Variants in FGGY observed in about 807,000 individuals in gnomAD.
FGGY encodes the protein FGGY carbohydrate kinase domain containing, also known as FGGY carbohydrate kinase domain-containing protein.
A neutral mutation model predicts 71.3 loss-of-function variants in FGGY; 72 were observed. That is an observed-to-expected ratio of 1.01 (90% CI 0.84 to 1.23). The LOEUF (loss-of-function observed/expected upper bound fraction) is 1.23, where lower values mean the gene tolerates loss of function less well. FGGY is among the 50% of genes most tolerant of loss of function. The pLI is 0.00. For synonymous variants in FGGY, 251 were observed against 250.3 expected, an observed-to-expected ratio of 1.00 and a Z score of -0.02; for missense variants, 668 against 682.3, an observed-to-expected ratio of 0.98 and a Z score of 0.23.
At chr1:59,304,956 T>G (rs1263385159) in intron 1 of FGGY, among the ~76,000 whole-genome samples, 1 of 152,172 alleles carries the variant, frequency 6.6e-6, no homozygotes, top group Non-Finnish European at 1.5e-5. Flanking sequence ...TCTAACAGTT[T>G]TTTGGAGTCT....
intron 5 of FGGY, among the ~76,000 whole-genome samples, chr1:59,403,012 T>C (rs1044389415): frequency 6.6e-6 from 1 of 152,090 alleles, no homozygotes; most frequent in Non-Finnish European, 1.5e-5. Flanking sequence ...AAGTCCAGAC[T>C]GTCACGTGTG....
At chr1:59,497,206 A>G (rs1233962888) in intron 6 of FGGY, among the ~76,000 whole-genome samples, 3 of 152,218 alleles carry the variant, frequency 2.0e-5, no homozygotes, top group Non-Finnish European at 2.9e-5. Flanking sequence ...CATCCTTGGA[A>G]AATAGATTTA....
At chr1:59,595,821 A>T (rs1019548056) in intron 8 of FGGY, among the ~76,000 whole-genome samples, 1 of 152,146 alleles carries the variant, frequency 6.6e-6, no homozygotes, top group Non-Finnish European at 1.5e-5. Context: ...TCTTCTAAAG[A>T]AGTCCAGATG....
At chr1:59,597,264 A>C (rs35123900) in intron 8 of FGGY, among the ~76,000 whole-genome samples, 15,097 of 152,216 alleles carry the variant, frequency 0.099, 891 homozygotes, top group South Asian at 0.3. Flanking sequence ...ATGCTTATGC[A>C]CAGAAATTCT....
chr1:59,452,155 T>A (rs2072897049), intron 5 of FGGY, among the ~76,000 whole-genome samples: 1 of 152,016 alleles, frequency 6.6e-6, no homozygotes, highest in Non-Finnish European at 1.5e-5. Context: ...ATTCTCATGT[T>A]AGGCTTCTGG....
At chr1:59,669,540 C>CTT (rs58004594) in intron 13 of FGGY, among the ~76,000 whole-genome samples, 287 of 102,516 alleles carry the variant, frequency 2.8e-3, no homozygotes, top group South Asian at 3.7e-3. Context: ...TTCTAGACTT[C>CTT]TTTTTTTTTT....
chr1:59,475,451 T>A (rs1169179916), intron 6 of FGGY, among the ~76,000 whole-genome samples: 1 of 152,260 alleles, frequency 6.6e-6, no homozygotes, highest in Non-Finnish European at 1.5e-5. Context: ...CTTTACAACT[T>A]AGAAGAGTTT....
At chr1:59,760,120 A>G (rs1376217644) in intron 15 of FGGY, among the ~76,000 whole-genome samples, 1 of 152,220 alleles carries the variant, frequency 6.6e-6, no homozygotes, top group East Asian at 1.9e-4. Flanking sequence ...AAAAAGCAAA[A>G]ACAACCCAAT....
At chr1:59,660,189 C>T (rs921780483) in intron 11 of FGGY, 30 bp from the exon 12 acceptor site, 1 of 1,600,144 alleles carries the variant, frequency 6.2e-7, no homozygotes, top group Admixed American at 1.7e-5. Flanking sequence ...TTTTGACCAT[C>T]TTCTTCTTTT....
chr1:59,667,224 G>A, intron 12 of FGGY, 59 bp from the exon 13 acceptor site: 2 of 1,607,306 alleles, frequency 1.2e-6, no homozygotes, highest in Middle Eastern at 1.7e-4. Context: ...TTTAAGAAGT[G>A]TTCCCTAGTG....
At position 59,607,907 on chromosome 1, in the gene FGGY, A is replaced by T; in HGVS notation, c.1008A>T (p.Lys336Asn). Residue 336 changes from lysine to asparagine, a missense_variant, in exon 9 of 16, where the codon AAA (lysine) becomes AAT (asparagine). Coordinates refer to ENST00000303721, the MANE Select transcript of FGGY (RefSeq NM_018291.5). ...AAGGTGGTCAGAGCGTTACTGGAAA[A>T]TTGGTAAGTTGACACTTTCTCAATA... ...LNEGGQSVTG[K>N]LIDHMVQGHA... 1 of 1,613,244 alleles carries T rather than the reference A, an allele frequency of 6.2e-7. No individual in the cohort carries two copies. Among genetic ancestry groups the T allele is most frequent in the Non-Finnish European group, 8.5e-7 (1 of 1,179,300 alleles).
At chr1:59,662,989 T>A (rs145724662) in intron 12 of FGGY, among the ~76,000 whole-genome samples, 1 of 152,020 alleles carries the variant, frequency 6.6e-6, no homozygotes, top group Non-Finnish European at 1.5e-5. Context: ...AAAATCAGAG[T>A]GGTGTGATAT....
chr1:59,704,551 G>C (rs577406642), intron 14 of FGGY, among the ~76,000 whole-genome samples: 149 of 152,092 alleles, frequency 9.8e-4, no homozygotes, highest in Non-Finnish European at 1.7e-3. Context: ...AAATAGTAGA[G>C]GATGAAAAAG....
At chr1:59,587,690 C>T (rs1196642905) in intron 8 of FGGY, among the ~76,000 whole-genome samples, 1 of 152,212 alleles carries the variant, frequency 6.6e-6, no homozygotes, top group South Asian at 2.1e-4. Context: ...CAAACAGGGT[C>T]TGGAGTGGAC....
intron 2 of FGGY, among the ~76,000 whole-genome samples, chr1:59,329,491 G>T (rs1051628478): frequency 2.0e-5 from 3 of 152,182 alleles, no homozygotes; most frequent in African/African-American, 7.2e-5. Flanking sequence ...ATAAAATGAG[G>T]TATGCCTGTA....
chr1:59,492,016 A>G (rs2093881375), intron 6 of FGGY, among the ~76,000 whole-genome samples: 1 of 152,156 alleles, frequency 6.6e-6, no homozygotes, highest in Non-Finnish European at 1.5e-5. Context: ...GAAAATGACA[A>G]TATATTTAGG....
At chr1:59,487,041 T>C (rs1343815431) in intron 6 of FGGY, among the ~76,000 whole-genome samples, 1 of 152,170 alleles carries the variant, frequency 6.6e-6, no homozygotes, top group Non-Finnish European at 1.5e-5. Context: ...ACATAGACCA[T>C]GATGGGAGTG....
intron 14 of FGGY, among the ~76,000 whole-genome samples, chr1:59,694,724 A>G (rs1480298774): frequency 6.6e-6 from 1 of 150,818 alleles, no homozygotes; most frequent in African/African-American, 2.4e-5. Flanking sequence ...TGGGGTCTCA[A>G]TGTGTTGCCC....
chr1:59,616,186 G>T (rs527935200), intron 9 of FGGY, among the ~76,000 whole-genome samples: 1 of 152,126 alleles, frequency 6.6e-6, no homozygotes, highest in Non-Finnish European at 1.5e-5. Context: ...ACATGCACAC[G>T]TATGTTTATT....
Sources: allele counts gnomAD v4.1 joint callset (sites outside exome capture counted in the v4.1 genomes callset), GRCh38; gene constraint gnomAD v4.1.1; transcripts MANE v1.5; gene names NCBI Gene and HGNC (gene_info 2026-07-23, HGNC 2026-07-21).